NEBL: variants seen among roughly 807,000 people sequenced by gnomAD.
NEBL encodes the protein LIM and SH3 protein 2.
In NEBL, 122 loss-of-function variants were observed where a neutral mutation model predicts 140.2. The observed-to-expected ratio is 0.87, with a 90% CI of 0.75 to 1.01. The LOEUF (loss-of-function observed/expected upper bound fraction) is 1.01, where lower values mean the gene tolerates loss of function less well. Among genes scored for constraint, NEBL ranks in the 50% least tolerant of loss-of-function variants. The pLI is 0.00. For synonymous variants in NEBL, 436 were observed against 398.9 expected (o/e 1.09, Z -1.11); for missense variants, 1,365 against 1,231.3 (o/e 1.11, Z -1.62).
chr10:20,903,447 G>C (rs1299547844), intron 4 of NEBL, among the ~76,000 whole-genome samples: 2 of 152,132 alleles, frequency 1.3e-5, no homozygotes, highest in Non-Finnish European at 1.5e-5. Context: ...CTCTACGGGA[G>C]ACAATATGAA....
intron 2 of NEBL, among the ~76,000 whole-genome samples, chr10:21,044,139 G>A (rs1396646679): frequency 1.3e-5 from 2 of 152,134 alleles, no homozygotes; most frequent in Non-Finnish European, 2.9e-5. Context: ...GCTCACGCCT[G>A]TAATCCCAAC....
At chr10:21,108,204 C>T (rs1418342623) in intron 2 of NEBL, among the ~76,000 whole-genome samples, 1 of 152,106 alleles carries the variant, frequency 6.6e-6, no homozygotes, top group East Asian at 1.9e-4. Flanking sequence ...CTTCTGCTAG[C>T]TTTTGAGTTT....
At chr10:20,976,070 C>T (rs1273737627) in intron 3 of NEBL, among the ~76,000 whole-genome samples, 2 of 151,996 alleles carry the variant, frequency 1.3e-5, no homozygotes, top group East Asian at 3.9e-4. Context: ...TATGGTGGCT[C>T]ACACCTGTAA....
chr10:21,207,384 T>C (rs1244681936), intron 3 of NEBL, among the ~76,000 whole-genome samples: 2 of 152,216 alleles, frequency 1.3e-5, no homozygotes, highest in Non-Finnish European at 2.9e-5. Context: ...TGAGTCAAAG[T>C]ACAGCCTGAT....
chr10:21,260,313 C>G (rs1019803292), intron 1 of NEBL, among the ~76,000 whole-genome samples: 1 of 152,220 alleles, frequency 6.6e-6, no homozygotes, highest in Non-Finnish European at 1.5e-5. Context: ...CCAGAAGGCT[C>G]TGGAGAAAGC....
At chr10:20,847,277 C>G (rs1313384559) in intron 11 of NEBL, among the ~76,000 whole-genome samples, 1 of 152,138 alleles carries the variant, frequency 6.6e-6, no homozygotes, top group Non-Finnish European at 1.5e-5. Context: ...AAAGATTTCA[C>G]TCTCCTCAAG....
intron 11 of NEBL, among the ~76,000 whole-genome samples, chr10:20,845,824 A>G (rs1048154735): frequency 2.8e-4 from 42 of 152,316 alleles, no homozygotes; most frequent in Admixed American, 2.5e-3. Context: ...AGACTTTTGC[A>G]AATTTAGGAA....
chr10:20,819,258 C>G (rs1839037078), intron 20 of NEBL, 166 bp downstream of exon 20: 5 of 1,182,406 alleles, frequency 4.2e-6, no homozygotes, highest in Non-Finnish European at 4.7e-6. Context: ...TGTTATTCCC[C>G]TCTATGTGTC....
intron 2 of NEBL, among the ~76,000 whole-genome samples, chr10:21,133,759 G>C (rs973577788): frequency 1.3e-5 from 2 of 152,052 alleles, no homozygotes; most frequent in Non-Finnish European, 2.9e-5. Context: ...GTAGGGTTTG[G>C]TTGGGTGATG....
At chr10:20,827,716 T>A (rs1840012652) in intron 17 of NEBL, among the ~76,000 whole-genome samples, 1 of 152,102 alleles carries the variant, frequency 6.6e-6, no homozygotes, top group Admixed American at 6.5e-5. Context: ...ATGTGGTACA[T>A]ATACACCACA....
intron 4 of NEBL, among the ~76,000 whole-genome samples, chr10:20,921,910 C>T (rs1385677089): frequency 1.3e-5 from 2 of 152,066 alleles, no homozygotes; most frequent in African/African-American, 4.8e-5. Flanking sequence ...TAAATAAGTA[C>T]ATATAAAAAT....
intron 3 of NEBL, among the ~76,000 whole-genome samples, chr10:21,221,817 T>C (rs1842071484): frequency 6.6e-6 from 1 of 152,154 alleles, no homozygotes; most frequent in African/African-American, 2.4e-5. Context: ...TAAAAACTTT[T>C]TAGCAAGTTA....
At chr10:21,268,835 A>T (rs1167671832) in intron 1 of NEBL, among the ~76,000 whole-genome samples, 9 of 152,098 alleles carry the variant, frequency 5.9e-5, no homozygotes, top group East Asian at 1.9e-4. Context: ...AAAAAAATTT[A>T]AAAAAATTTA....
At chr10:21,047,188 T>C (rs1450448045) in intron 2 of NEBL, among the ~76,000 whole-genome samples, 1 of 152,322 alleles carries the variant, frequency 6.6e-6, no homozygotes, top group African/African-American at 2.4e-5. Flanking sequence ...TCACTTTTAC[T>C]CAATCAGCTT....
intron 26 of NEBL, among the ~76,000 whole-genome samples, chr10:20,803,753 G>C (rs958268053): frequency 2.1e-4 from 32 of 149,598 alleles, no homozygotes; most frequent in African/African-American, 7.8e-4. Context: ...ATTTCAAAGG[G>C]GACCCTAAAT....
At chr10:20,956,122 A>C (rs1012655833) in intron 4 of NEBL, among the ~76,000 whole-genome samples, 1 of 152,316 alleles carries the variant, frequency 6.6e-6, no homozygotes, top group African/African-American at 2.4e-5. Context: ...TCTGCTCTAC[A>C]TGGAAAAATA....
chr10:21,279,272 A>G (rs1262931262), intron 1 of NEBL, among the ~76,000 whole-genome samples: 2 of 145,780 alleles, frequency 1.4e-5, no homozygotes, highest in African/African-American at 2.5e-5. Flanking sequence ...AAAAATAGCC[A>G]TCTTTTTATT....
chr10:21,011,032 A>G (rs1260618316), intron 3 of NEBL, among the ~76,000 whole-genome samples: 5 of 152,238 alleles, frequency 3.3e-5, no homozygotes, highest in African/African-American at 4.8e-5. Flanking sequence ...TTGGCAGAAA[A>G]GAAAAAATAA....
At chr10:20,939,458 T>C (rs1015705039) in intron 4 of NEBL, among the ~76,000 whole-genome samples, 14 of 152,118 alleles carry the variant, frequency 9.2e-5, no homozygotes, top group African/African-American at 2.7e-4. Context: ...AAGGAACAAC[T>C]GGTACCAGCC....
Sources: allele counts gnomAD v4.1 joint callset (sites outside exome capture counted in the v4.1 genomes callset), GRCh38; gene constraint gnomAD v4.1.1; transcripts MANE v1.5; gene names NCBI Gene and HGNC (gene_info 2026-07-23, HGNC 2026-07-21).